LHFPL6: variants seen among roughly 807,000 people sequenced by gnomAD.
The protein encoded by LHFPL6 is LHFPL tetraspan subfamily member 6 protein.
LHFPL6 carries 9 observed loss-of-function variants against 20.6 expected under a neutral mutation model. That is an observed-to-expected ratio of 0.44 (90% CI 0.26 to 0.76). LHFPL6 has a LOEUF of 0.76. LHFPL6 is among the 30% of genes least tolerant of loss of function. The pLI, the probability that LHFPL6 is intolerant of heterozygous loss-of-function variation, is 0.20. For synonymous variants in LHFPL6, 105 were observed against 98.7 expected, an observed-to-expected ratio of 1.06 and a Z score of -0.38; for missense variants, 218 against 253.5, an observed-to-expected ratio of 0.86 and a Z score of 0.95.
chr13:39,592,706 A>C (rs898497278), intron 2 of LHFPL6, among the ~76,000 whole-genome samples: 7 of 152,214 alleles, frequency 4.6e-5, no homozygotes, highest in Non-Finnish European at 8.8e-5. Context: ...TGATGAACAT[A>C]GATGCAAAAT....
chr13:39,455,375 C>T (rs1221050301), intron 2 of LHFPL6, among the ~76,000 whole-genome samples: 2 of 152,062 alleles, frequency 1.3e-5, no homozygotes, highest in African/African-American at 2.4e-5. Flanking sequence ...TCTGAAATAA[C>T]GGAATATAAA....
At chr13:39,368,576 G>A (rs578007311) in intron 3 of LHFPL6, among the ~76,000 whole-genome samples, 19 of 151,430 alleles carry the variant, frequency 1.3e-4, no homozygotes, top group Admixed American at 9.2e-4. Context: ...GTGAGACTCC[G>A]TCTCAACAAC....
At chr13:39,560,504 C>CTTTTTTTTTTTT (rs376446144) in intron 2 of LHFPL6, among the ~76,000 whole-genome samples, 28 of 118,178 alleles carry the variant, frequency 2.4e-4, no homozygotes, top group Non-Finnish European at 3.0e-4. Context: ...TGCAAATTCT[C>CTTTTTTTTTTTT]TTTTTTTTTT....
chr13:39,407,921 C>A (rs1871153583), intron 2 of LHFPL6, among the ~76,000 whole-genome samples: 1 of 152,104 alleles, frequency 6.6e-6, no homozygotes, highest in African/African-American at 2.4e-5. Flanking sequence ...GGGAGTTTTC[C>A]TTCTGAGAAT....
intron 3 of LHFPL6, among the ~76,000 whole-genome samples, chr13:39,345,171 C>G (rs1208264630): frequency 1.3e-5 from 2 of 152,152 alleles, no homozygotes; most frequent in Non-Finnish European, 2.9e-5. Context: ...CAAACATAAA[C>G]ACCAAGACAT....
At chr13:39,521,202 C>T (rs1870095113) in intron 2 of LHFPL6, among the ~76,000 whole-genome samples, 1 of 152,152 alleles carries the variant, frequency 6.6e-6, no homozygotes, top group South Asian at 2.1e-4. Context: ...AAGGCCATTC[C>T]TCACAGCTTC....
chr13:39,363,510 A>C (rs189645227), intron 3 of LHFPL6, among the ~76,000 whole-genome samples: 106 of 152,244 alleles, frequency 7.0e-4, no homozygotes, highest in Non-Finnish European at 1.4e-3. Context: ...TGTTCCCATA[A>C]AATTTTATTT....
rs190387149 is a variant in LHFPL6 at position 39,444,658 on chromosome 13, A to G, written c.386-66132T>C. 4.3e-4 allele frequency among the ~76,000 whole-genome samples: 65 copies of G among 152,302 alleles called. 1 individual carries two copies. Among genetic ancestry groups the G allele is most frequent in the African/African-American group, 1.4e-3 (60 of 41,562 alleles). ...CCTGCCACTCCACAGGGTACAAGCT[A>G]TAAATCTTGATAACATCCATATGGT... On this transcript the variant is annotated intron_variant, in intron 2 of 3. Coordinates refer to ENST00000379589, the MANE Select transcript of LHFPL6 (RefSeq NM_005780.3).
chr13:39,405,903 C>T (rs1871103778), intron 2 of LHFPL6, among the ~76,000 whole-genome samples: 1 of 152,162 alleles, frequency 6.6e-6, no homozygotes, highest in African/African-American at 2.4e-5. Context: ...CAAATGAAAT[C>T]TGAGTTAACC....
chr13:39,527,658 C>T (rs1870336138), intron 2 of LHFPL6, among the ~76,000 whole-genome samples: 1 of 152,052 alleles, frequency 6.6e-6, no homozygotes, highest in African/African-American at 2.4e-5. Flanking sequence ...CGTTACTTAG[C>T]TTTTATAGTA....
intron 2 of LHFPL6, among the ~76,000 whole-genome samples, chr13:39,509,101 G>A (rs1006037537): frequency 5.3e-5 from 8 of 152,154 alleles, no homozygotes; most frequent in Non-Finnish European, 1.2e-4. Context: ...GATAAATGAT[G>A]GTGAACATCT....
chr13:39,398,312 A>G (rs1201036525), intron 2 of LHFPL6, among the ~76,000 whole-genome samples: 1 of 152,362 alleles, frequency 6.6e-6, no homozygotes, highest in East Asian at 1.9e-4. Flanking sequence ...AAGAAAGAAT[A>G]GTAAATTTCT....
chr13:39,371,723 C>G (rs1320653330), intron 3 of LHFPL6, among the ~76,000 whole-genome samples: 1 of 152,174 alleles, frequency 6.6e-6, no homozygotes, highest in African/African-American at 2.4e-5. Context: ...CTTCCTCTTA[C>G]AAATCCCACT....
intron 3 of LHFPL6, among the ~76,000 whole-genome samples, chr13:39,355,474 A>T (rs961172167): frequency 1.3e-5 from 2 of 152,292 alleles, no homozygotes; most frequent in South Asian, 2.1e-4. Context: ...AAATAATCAC[A>T]CAATCAAGTA....
intron 2 of LHFPL6, among the ~76,000 whole-genome samples, chr13:39,535,892 C>CATT (rs1870602417): frequency 6.6e-6 from 1 of 152,094 alleles, no homozygotes; most frequent in Non-Finnish European, 1.5e-5. Flanking sequence ...TGGCAGAGAC[C>CATT]ATTAGCATTC....
intron 2 of LHFPL6, among the ~76,000 whole-genome samples, chr13:39,496,954 T>C (rs1292340739): frequency 6.6e-6 from 1 of 152,172 alleles, no homozygotes; most frequent in Non-Finnish European, 1.5e-5. Context: ...GAAACCTCTG[T>C]ACTAAAATCA....
At chr13:39,416,786 T>C (rs956759531) in intron 2 of LHFPL6, among the ~76,000 whole-genome samples, 5 of 152,182 alleles carry the variant, frequency 3.3e-5, no homozygotes, top group Non-Finnish European at 7.3e-5. Context: ...AGAAAAAATT[T>C]GTAAATGGCA....
intron 2 of LHFPL6, among the ~76,000 whole-genome samples, chr13:39,426,099 T>A (rs1871629168): frequency 1.3e-5 from 2 of 152,240 alleles, no homozygotes; most frequent in South Asian, 4.1e-4. Flanking sequence ...CCATTACCAC[T>A]ATTTCCAAAA....
intron 2 of LHFPL6, among the ~76,000 whole-genome samples, chr13:39,385,612 A>G (rs1870544960): frequency 6.6e-6 from 1 of 152,230 alleles, no homozygotes; most frequent in Non-Finnish European, 1.5e-5. Flanking sequence ...GTTTCTTTGA[A>G]TTTGAGTGTG....
Sources: gnomAD v4.1 joint callset for allele counts (sites outside exome capture counted in the v4.1 genomes callset) on GRCh38, gnomAD v4.1.1 for gene constraint, MANE v1.5 for transcripts, NCBI Gene and HGNC (gene_info 2026-07-23, HGNC 2026-07-21) for gene names.